The following USP9X variants were observed in gnomAD, a reference collection of about 807,000 sequenced individuals.
USP9X encodes ubiquitin specific peptidase 9 X-linked, also known as ubiquitin carboxyl-terminal hydrolase 9X.
In USP9X, 7 loss-of-function variants were observed where a neutral mutation model predicts 190.3. The ratio of observed to expected loss-of-function variants is 0.04; its 90% CI spans 0.02 to 0.07. The LOEUF is 0.07. Among genes scored for constraint, USP9X ranks in the 10% least tolerant of loss-of-function variants. The pLI is 1.00. For synonymous variants in USP9X, 645 were observed against 659.5 expected (o/e 0.98, Z 0.34); for missense variants, 1,010 against 1,916.9 (o/e 0.53, Z 8.83).
intron 21 of USP9X, among the ~76,000 whole-genome samples, chrX:41,173,291 T>TG (rs2062743860): frequency 8.9e-6 from 1 of 111,984 alleles, no homozygotes; most frequent in Admixed American, 9.5e-5. Flanking sequence ...CACTAACACA[T>TG]TCTTGCATTT....
chrX:41,178,395 C>G (rs2062797721), intron 21 of USP9X, among the ~76,000 whole-genome samples: 1 of 110,526 alleles, frequency 9.0e-6, no homozygotes, highest in Non-Finnish European at 1.9e-5. Context: ...ACCACAGTGC[C>G]CCTGCCAAGT....
At chrX:41,230,434 T>C in intron 43 of USP9X, 67 bp from the exon 44 acceptor site, 1 of 1,029,606 alleles carries the variant, frequency 9.7e-7, no homozygotes, top group Non-Finnish European at 1.3e-6. Context: ...TTATTTCAAA[T>C]AGAAAAAGTT....
At chrX:41,166,294 A>G in intron 16 of USP9X, 80 bp downstream of exon 16, 1 of 754,927 alleles carries the variant, frequency 1.3e-6, no homozygotes, top group East Asian at 3.4e-5. Context: ...TTTGCATATA[A>G]ATTGTGTATT....
chrX:41,182,778 A>C (rs747319228), intron 21 of USP9X, among the ~76,000 whole-genome samples: 12 of 111,044 alleles, frequency 1.1e-4, no homozygotes, highest in Non-Finnish European at 1.7e-4. Flanking sequence ...GATATTTATA[A>C]ATATTTTATT....
intron 1 of USP9X, among the ~76,000 whole-genome samples, chrX:41,117,090 C>T (rs1186850640): frequency 9.0e-6 from 1 of 110,989 alleles, no homozygotes; most frequent in Non-Finnish European, 1.9e-5. Flanking sequence ...GACAGCTTGT[C>T]GGGTAGAAGA....
chrX:41,230,756 G>A (rs756798507), intron 44 of USP9X, among the ~76,000 whole-genome samples, 160 bp downstream of exon 44: 6 of 111,567 alleles, frequency 5.4e-5, no homozygotes, highest in Non-Finnish European at 9.4e-5. Context: ...TTGGAGTGGG[G>A]GTCATGGTGT....
At chrX:41,226,517 T>C (rs1174481031) in intron 41 of USP9X, among the ~76,000 whole-genome samples, 2 of 112,398 alleles carry the variant, frequency 1.8e-5, no homozygotes, top group African/African-American at 6.5e-5. Flanking sequence ...AAACAAGTTC[T>C]GTAACAACAA....
intron 32 of USP9X, 83 bp from the exon 33 acceptor site, chrX:41,210,425 CT>C: frequency 2.2e-5 from 23 of 1,031,314 alleles, no homozygotes; most frequent in South Asian, 4.3e-5. Flanking sequence ...GGTCTTGTTG[CT>C]TTTTTTTCCC....
intron 31 of USP9X, among the ~76,000 whole-genome samples, chrX:41,202,734 T>A (rs1289534657): frequency 1.8e-5 from 2 of 112,011 alleles, no homozygotes; most frequent in Non-Finnish European, 3.8e-5. Flanking sequence ...GAAAAAAATG[T>A]AATTCAAATT....
intron 3 of USP9X, among the ~76,000 whole-genome samples, chrX:41,130,433 G>A (rs1160505015): frequency 9.1e-6 from 1 of 109,480 alleles, no homozygotes; most frequent in Non-Finnish European, 1.9e-5. Context: ...CAAGTTCTCA[G>A]GGGGGAGAAA....
intron 2 of USP9X, among the ~76,000 whole-genome samples, chrX:41,125,139 G>A (rs894844088): frequency 3.6e-5 from 4 of 110,778 alleles, no homozygotes; most frequent in Admixed American, 9.6e-5. Context: ...GCAGTGGCGC[G>A]ATCTTGGCTC....
At chrX:41,159,920 T>C (rs2062614105) in intron 14 of USP9X, among the ~76,000 whole-genome samples, 1 of 111,057 alleles carries the variant, frequency 9.0e-6, no homozygotes, top group Non-Finnish European at 1.9e-5. Flanking sequence ...TGAGGAAAAA[T>C]GTAGACTTAG....
At chrX:41,172,360 T>C (rs2062734432) in intron 21 of USP9X, among the ~76,000 whole-genome samples, 1 of 111,581 alleles carries the variant, frequency 9.0e-6, no homozygotes, top group Admixed American at 9.6e-5. Context: ...TTACAGAAAA[T>C]GTTTGCCTAT....
intron 14 of USP9X, among the ~76,000 whole-genome samples, chrX:41,155,031 A>G (rs1442366415): frequency 8.9e-6 from 1 of 112,161 alleles, no homozygotes; most frequent in Non-Finnish European, 1.9e-5. Context: ...TTTTGCCTCT[A>G]TAATAAAAGT....
At chrX:41,179,328 A>G (rs946865361) in intron 21 of USP9X, among the ~76,000 whole-genome samples, 24 of 112,168 alleles carry the variant, frequency 2.1e-4, no homozygotes, top group Non-Finnish European at 4.3e-4. Flanking sequence ...GATTGCATCA[A>G]TCTGTAGATT....
At chrX:41,167,446 TGAAA>T in intron 16 of USP9X, 32 bp from the exon 17 acceptor site, 1 of 1,113,383 alleles carries the variant, frequency 9.0e-7, no homozygotes, top group Non-Finnish European at 1.2e-6. Context: ...AAATATATGT[TGAAA>T]GGGATGAATA....
Position 41,221,248 on chromosome X carries a change from C to T in USP9X, c.6566-1969C>T, listed in dbSNP as rs143782765. Among the ~76,000 whole-genome samples the T allele has an allele frequency of 9.8e-3, 1,095 of 111,323 alleles. 15 individuals are homozygous for T. Among genetic ancestry groups the T allele is most frequent in the African/African-American group, 0.034 (1,034 of 30,652 alleles). ...CTGCACTCCAGCCTGGGAGACAAAG[C>T]GAGACTCCATCTTAAAAAAAATTAA... On this transcript the variant is annotated intron_variant, in intron 38 of 44. Coordinates refer to ENST00000378308, the MANE Select transcript of USP9X (RefSeq NM_001039591.3).
At chrX:41,159,171 A>T (rs1431491933) in intron 14 of USP9X, among the ~76,000 whole-genome samples, 2 of 112,081 alleles carry the variant, frequency 1.8e-5, no homozygotes, top group African/African-American at 6.5e-5. Context: ...CAAAGAAGGC[A>T]TACAAATGGC....
At chrX:41,142,012 A>G (rs574313327) in intron 9 of USP9X, among the ~76,000 whole-genome samples, 11 of 111,650 alleles carry the variant, frequency 9.9e-5, no homozygotes, top group South Asian at 7.4e-4. Flanking sequence ...TTTTGAATGT[A>G]TATGTGTAAC....
Sources: gnomAD v4.1 joint callset for allele counts (sites outside exome capture counted in the v4.1 genomes callset) on GRCh38, gnomAD v4.1.1 for gene constraint, MANE v1.5 for transcripts, NCBI Gene and HGNC (gene_info 2026-07-23, HGNC 2026-07-21) for gene names.